The following QRICH2 variants were observed in gnomAD, a reference collection of about 807,000 sequenced individuals.
QRICH2 encodes glutamine-rich protein 2.
Under a neutral mutation model 168.3 loss-of-function variants are expected in QRICH2, and 119 were observed. That is an observed-to-expected ratio of 0.71 (90% CI 0.61 to 0.82). The LOEUF (loss-of-function observed/expected upper bound fraction) is 0.82, where lower values mean the gene tolerates loss of function less well. Among genes scored for constraint, QRICH2 ranks in the 40% least tolerant of loss-of-function variants. The pLI is 0.00. For synonymous variants in QRICH2, 894 were observed against 951.2 expected, an observed-to-expected ratio of 0.94 and a Z score of 1.11; for missense variants, 2,241 against 2,491.6, an observed-to-expected ratio of 0.90 and a Z score of 2.14.
chr17:76,293,537 A>G lies in QRICH2; in HGVS notation c.1190T>C (p.Met397Thr). Residue 397 changes from methionine to threonine, a missense_variant, in exon 4 of 19, where the codon ATG (methionine) becomes ACG (threonine). Met to Thr is a moderately conservative substitution (Grantham distance 81). Transcript: ENST00000680821. ...PDRRGLEPTGMNQPGLVPAST... is the reference protein window; with the variant it reads ...PDRRGLEPTGTNQPGLVPAST... ...AGCAGGCACTAATCCAGGCTGATTC[A>G]TGCCAGTTGGTTCTAACCCACGACG... 4 of 1,614,214 alleles carry G rather than the reference A, an allele frequency of 2.5e-6. No homozygotes were observed. The highest frequency in any genetic ancestry group is 2.5e-6 in the Non-Finnish European group (3 of 1,180,028).
At chr17:76,282,300 A>C (rs2070804573) in intron 7 of QRICH2, among the ~76,000 whole-genome samples, 185 bp from the exon 8 acceptor site, 1 of 152,174 alleles carries the variant, frequency 6.6e-6, no homozygotes, top group African/African-American at 2.4e-5. Flanking sequence ...GTGAGTAGAG[A>C]GAGTTCTCCG....
At chr17:76,309,591 C>T (rs763775484), upstream of QRICH2, 2 of 152,226 alleles carry the variant, frequency 1.3e-5, no homozygotes, top group Non-Finnish European at 2.9e-5. Context: ...CAGCCTCCTC[C>T]GTGAGCTCTG....
chr17:76,278,207 A>C lies in QRICH2; in HGVS notation c.4917-18T>G. 6.2e-7 allele frequency: 1 copy of C among 1,600,234 alleles called. No homozygotes were observed. The highest frequency in any genetic ancestry group is 8.5e-7 in the Non-Finnish European group (1 of 1,178,568). The stretch of plus-strand genomic sequence containing the variant: ...GCTTGAGGCTGCAGGGTGTGAGCAG[A>C]ACAGAGGGAGGGTTGGCCCATGGCG... On this transcript the variant is annotated intron_variant, in intron 14 of 18. Coordinates refer to ENST00000680821, the MANE Select transcript of QRICH2 (RefSeq NM_001388453.1).
chr17:76,308,288 GC>G (rs1006400024), upstream of QRICH2: 88 of 985,276 alleles, frequency 8.9e-5, no homozygotes, highest in African/African-American at 3.5e-5. Flanking sequence ...AAACGTGGGG[GC>G]CCCCGCGTGC....
At chr17:76,279,235 C>T (rs144992165) in intron 13 of QRICH2, 93 bp from the exon 14 acceptor site, 58 of 1,350,364 alleles carry the variant, frequency 4.3e-5, no homozygotes, top group Middle Eastern at 1.8e-4. Context: ...CACCCGCCCC[C>T]GGCCTGGAAG....
chr17:76,281,803 G>A lies in QRICH2; in HGVS notation c.4263+61C>T, dbSNP rs2070792048. 2.5e-6 allele frequency: 4 copies of A among 1,582,272 alleles called. No individual in the cohort carries two copies. The East Asian group carries it at 9.0e-5, about 36-fold the overall frequency. On this transcript the variant is annotated intron_variant, in intron 8 of 18. Transcript: ENST00000680821. The surrounding 1 kb of genome is among the most constrained non-coding windows in gnomAD (Gnocchi z 4.4). Reference sequence around the variant, plus strand: ...CCCACTTCTGTGGGTCTGCAGCAGGGTGGCCCTCCTCTGTGGGGCCATGTC... The same window carrying A: ...CCCACTTCTGTGGGTCTGCAGCAGGATGGCCCTCCTCTGTGGGGCCATGTC...
At chr17:76,295,338 T>C (rs1324695390) in intron 3 of QRICH2, among the ~76,000 whole-genome samples, 2 of 151,976 alleles carry the variant, frequency 1.3e-5, no homozygotes, top group African/African-American at 2.4e-5. Flanking sequence ...AAGTGTATAC[T>C]GGAATGCATG....
At position 76,281,763 on chromosome 17, in the gene QRICH2, G is replaced by A; in HGVS notation, c.4263+101C>T. 9 of 1,463,668 alleles carry A rather than the reference G, an allele frequency of 6.1e-6. No individual in the cohort carries two copies. The highest frequency in any genetic ancestry group is 5.4e-5 in the Admixed American group (3 of 55,842). The allele number at this position is 1,463,668 out of a possible 1,614,324, so 90.7% of individuals were successfully genotyped here. A position where few individuals can be genotyped will look rare whatever the true frequency, so the allele number is the denominator to read the frequency against. On this transcript the variant is annotated intron_variant, in intron 8 of 18. Transcript: ENST00000680821. The surrounding 1 kb of genome is among the most constrained non-coding windows in gnomAD (Gnocchi z 4.4). ...CTCCGCCACGGAGAGCTGACCTTGA[G>A]GCCCAAACACCCGCCCCACTTCTGT... is the stretch of plus-strand genomic sequence containing the variant.
At position 76,278,028 on chromosome 17, in the gene QRICH2, A is replaced by T; in HGVS notation, c.5078T>A (p.Leu1693Gln). Residue 1693 changes from leucine (L) to glutamine (Q), a missense_variant, in exon 15 of 19, where the codon CTG (leucine) becomes CAG (glutamine). By Grantham distance (113) the Leu-to-Gln change is moderately radical (BLOSUM62 -2). This residue lies in a region of QRICH2 where 2,047 missense variants were observed against 2,303.8 expected (regional missense o/e 0.89). Coordinates refer to ENST00000680821, the MANE Select transcript of QRICH2 (RefSeq NM_001388453.1). Reference protein sequence around the residue: ...TKASSQIIRELLHAQCLGSPC... With the variant: ...TKASSQIIREQLHAQCLGSPC... ...GGAGCCCAGGCACTGGGCGTGCAGC[A>T]GCTCGCGGATTATCTGGCTGCTGGC... is the stretch of plus-strand genomic sequence containing the variant. 1.2e-6 allele frequency: 2 copies of T among 1,613,586 alleles called. No homozygotes were observed. Among genetic ancestry groups the T allele is most frequent in the Non-Finnish European group, 1.7e-6 (2 of 1,180,036 alleles).
chr17:76,277,594 ATACT>A (rs2070707212), intron 15 of QRICH2, among the ~76,000 whole-genome samples: 1 of 151,964 alleles, frequency 6.6e-6, no homozygotes, highest in South Asian at 2.1e-4. Context: ...GCACACACAC[ATACT>A]TATGCACATA....
At chr17:76,277,753 C>A (rs1316910374) in intron 15 of QRICH2, among the ~76,000 whole-genome samples, 2 of 152,010 alleles carry the variant, frequency 1.3e-5, no homozygotes, top group Non-Finnish European at 2.9e-5. Flanking sequence ...CACTCATACA[C>A]ACACGCACTC....
chr17:76,278,055 T>G lies in QRICH2; in HGVS notation c.5051A>C (p.Lys1684Thr). The change falls in exon 15 of 19, where the codon AAG (lysine) becomes ACG (threonine). Residue 1684 changes from lysine to threonine, a missense_variant. Lys to Thr is a moderately conservative substitution (Grantham distance 78, BLOSUM62 -1). This residue lies in a region of QRICH2 where 2,047 missense variants were observed against 2,303.8 expected (regional missense o/e 0.89). Coordinates refer to ENST00000680821, the MANE Select transcript of QRICH2 (RefSeq NM_001388453.1). Reference protein sequence around the residue: ...KVQIHFGGSTKASSQIIRELL... With the variant: ...KVQIHFGGSTTASSQIIRELL... ...CTCGCGGATTATCTGGCTGCTGGCC[T>G]TGGTGGAGCCCCCGAAGTGGATCTG... The G allele has an allele frequency of 6.2e-7, 1 of 1,613,962 alleles. No homozygotes were observed. Among genetic ancestry groups the G allele is most frequent in the Non-Finnish European group, 8.5e-7 (1 of 1,180,022 alleles).
At chr17:76,282,155 C>A (rs1215478323) in intron 7 of QRICH2, 40 bp from the exon 8 acceptor site, 1 of 1,565,878 alleles carries the variant, frequency 6.4e-7, no homozygotes, top group Admixed American at 1.7e-5. Context: ...GCAGTGAGGC[C>A]AGTCACGGCC....
At chr17:76,285,196 A>G (rs2070860223) in intron 7 of QRICH2, among the ~76,000 whole-genome samples, 1 of 151,746 alleles carries the variant, frequency 6.6e-6, no homozygotes, top group South Asian at 2.1e-4. Flanking sequence ...GCATGGTGCG[A>G]TCTCAGCTCA....
Position 76,292,163 on chromosome 17 carries a change from CCAGG to C in QRICH2, c.2560_2563del (p.Pro854ValfsTer37), listed in dbSNP as rs1343109105. 1 of 1,495,518 alleles carries C rather than the reference CCAGG, an allele frequency of 6.7e-7. No individual in the cohort carries two copies. Among genetic ancestry groups the C allele is most frequent in the South Asian group, 1.2e-5 (1 of 80,172 alleles). The allele number at this position is 1,495,518 out of a possible 1,614,324, so 92.6% of individuals were successfully genotyped here. On this transcript the variant is annotated frameshift_variant, in exon 4 of 19. Transcript: ENST00000680821. LOFTEE classifies it high-confidence loss of function. ...TTGGACCAAACCACGCTGATCTGCA[CCAGG>C]TTGGACCAAACCATGCTGAACTGCA...
chr17:76,304,522 G>T lies in QRICH2; in HGVS notation c.598C>A (p.Leu200Ile). ...LFKDREQFLELVSRKLSLVPG... is the reference protein window; with the variant it reads ...LFKDREQFLEIVSRKLSLVPG... ...ACCAAACTCAGCTTCCGGCTGACTA[G>T]TTCCTGACAGTGACAGAAAAGACAC... is the stretch of plus-strand genomic sequence containing the variant. Residue 200 changes from leucine to isoleucine, a missense_variant, in exon 3 of 19, where the codon CTA (leucine) becomes ATA (isoleucine). Physicochemically the swap from Leu to Ile is conservative, Grantham distance 5 (BLOSUM62 2). This residue lies in a region of QRICH2 where 2,047 missense variants were observed against 2,303.8 expected (regional missense o/e 0.89). Coordinates refer to ENST00000680821, the MANE Select transcript of QRICH2 (RefSeq NM_001388453.1). 6.2e-7 allele frequency: 1 copy of T among 1,606,714 alleles called. No individual in the cohort carries two copies. Among genetic ancestry groups the T allele is most frequent in the Non-Finnish European group, 8.5e-7 (1 of 1,174,372 alleles).
At chr17:76,301,684 G>A (rs1052216634) in intron 3 of QRICH2, 9 of 152,276 alleles carry the variant, frequency 5.9e-5, no homozygotes, top group African/African-American at 2.2e-4. Flanking sequence ...ATGTATCTTA[G>A]AGTTGGTGGT....
intron 3 of QRICH2, among the ~76,000 whole-genome samples, chr17:76,301,761 G>A (rs1191968231): frequency 6.4e-5 from 9 of 140,676 alleles, no homozygotes; most frequent in Admixed American, 2.9e-4. Context: ...GGACTGCAGT[G>A]GTGCAATCTC....
rs180878634 is a variant in QRICH2 at position 76,278,308 on chromosome 17, C to T, written c.4917-119G>A. On this transcript the variant is annotated intron_variant, in intron 14 of 18. Transcript: ENST00000680821. ...TGCAGGACCCAGCTAGGCTGGGGGT[C>T]GCTGGGCAGCTTGACCCCTCAGCAG... 5.1e-4 allele frequency: 482 copies of T among 953,820 alleles called. 2 individuals are homozygous for T. In the African/African-American group the frequency reaches 6.8e-3, roughly 13 times the overall value. 59.1% of individuals were successfully genotyped at this position (953,820 alleles called of 1,614,324 possible). A position where few individuals can be genotyped will look rare whatever the true frequency, so the allele number is the denominator to read the frequency against.
Sources: allele counts gnomAD v4.1 joint callset (sites outside exome capture counted in the v4.1 genomes callset), GRCh38; gene constraint gnomAD v4.1.1; regional missense constraint gnomAD v4.1.1; non-coding constraint Gnocchi (gnomAD v3.1); transcripts MANE v1.5; gene names NCBI Gene and HGNC (gene_info 2026-07-23, HGNC 2026-07-21).